The following DOCK10 variants were observed in gnomAD, a reference collection of about 807,000 sequenced individuals.
DOCK10 encodes dedicator of cytokinesis protein 10.
Under a neutral mutation model 280.1 loss-of-function variants are expected in DOCK10, and 145 were observed. The observed-to-expected ratio is 0.52, with a 90% CI of 0.45 to 0.59. The LOEUF (loss-of-function observed/expected upper bound fraction) is 0.59, where lower values mean the gene tolerates loss of function less well. DOCK10 is among the 20% of genes least tolerant of loss of function. The probability of loss-of-function intolerance (pLI) is 0.00; values close to 1 mark genes in which losing one functional copy is unlikely to be tolerated. For missense variants in DOCK10, 2,368 were observed against 2,651.7 expected (o/e 0.89, Z 2.35); for synonymous variants, 915 against 942.2 (o/e 0.97, Z 0.53).
intron 1 of DOCK10, among the ~76,000 whole-genome samples, chr2:225,024,465 T>C (rs550108475): frequency 1.3e-5 from 2 of 152,204 alleles, no homozygotes; most frequent in East Asian, 1.9e-4. Context: ...ATTTTAAGTA[T>C]GGCAAAATGT....
In DOCK10 at chr2:224,862,628, G is replaced by A. The variant is rs747004656; in HGVS notation, c.1685+36C>T. On this transcript the variant is annotated intron_variant, in intron 14 of 55. Transcript: ENST00000258390. ...GAAGCTTCCAATGCCACCATTAAAT[G>A]TATTTCTAGTCTGTTGGCTGCAACT... The A allele has an allele frequency of 4.5e-6, 7 of 1,543,582 alleles. No individual in the cohort carries two copies. The Admixed American group carries it at 1.2e-4, about 26-fold the overall frequency.
intron 4 of DOCK10, among the ~76,000 whole-genome samples, chr2:224,891,863 T>C (rs1287362530): frequency 6.6e-6 from 1 of 152,172 alleles, no homozygotes; most frequent in Non-Finnish European, 1.5e-5. Context: ...AATTCTGAGT[T>C]TGCTTGATCA....
In DOCK10 at chr2:224,921,092, T is replaced by TAA. The variant is rs781152272; in HGVS notation, c.244-4310_244-4309dup. ...CAACATGGGAAAACACCGTCTCTAT[T>TAA]AAAAAAAAAAAAAAAAAAAAATATA... On this transcript the variant is annotated intron_variant, in intron 2 of 55. Transcript: ENST00000258390. Among the ~76,000 whole-genome samples, 55 of 59,470 alleles carry TAA rather than the reference T, an allele frequency of 9.2e-4. 1 individual carries two copies. Among genetic ancestry groups the TAA allele is most frequent in the South Asian group, 3.3e-3 (6 of 1,818 alleles). The allele number at this position is 59,470 out of a possible 152,430, so 39.0% of individuals were successfully genotyped here.
At chr2:225,026,708 C>A (rs1216903974) in intron 1 of DOCK10, among the ~76,000 whole-genome samples, 1 of 151,966 alleles carries the variant, frequency 6.6e-6, no homozygotes, top group East Asian at 1.9e-4. Context: ...ACAGAGATAT[C>A]AATGGGCAGA....
chr2:224,809,857 A>C (rs1237021724), intron 31 of DOCK10, among the ~76,000 whole-genome samples: 1 of 152,162 alleles, frequency 6.6e-6, no homozygotes, highest in African/African-American at 2.4e-5. Flanking sequence ...ATCCAAAAGA[A>C]TTCAGATCAT....
intron 18 of DOCK10, among the ~76,000 whole-genome samples, chr2:224,852,084 G>T (rs560448158): frequency 2.1e-4 from 32 of 152,282 alleles, no homozygotes; most frequent in African/African-American, 7.2e-4. Flanking sequence ...CGAGAGGCAG[G>T]CTAATCTTTG....
intron 24 of DOCK10, among the ~76,000 whole-genome samples, chr2:224,839,358 C>T (rs1019958385): frequency 3.3e-5 from 5 of 151,560 alleles, no homozygotes; most frequent in African/African-American, 4.9e-5. Flanking sequence ...CCACCGGCCT[C>T]GGCCTCCCAA....
intron 1 of DOCK10, among the ~76,000 whole-genome samples, chr2:224,990,401 T>G (rs1439649679): frequency 6.6e-6 from 1 of 152,200 alleles, no homozygotes; most frequent in Non-Finnish European, 1.5e-5. Context: ...CAGCAAAAAT[T>G]TTAAGCCTCA....
chr2:224,962,052 G>A (rs1285767167), intron 1 of DOCK10, among the ~76,000 whole-genome samples: 2 of 152,292 alleles, frequency 1.3e-5, no homozygotes, highest in African/African-American at 2.4e-5. Flanking sequence ...TTGACAGCAT[G>A]GTGGCTGGCT....
At chr2:224,954,401 G>T (rs186165498) in intron 1 of DOCK10, among the ~76,000 whole-genome samples, 3 of 152,118 alleles carry the variant, frequency 2.0e-5, no homozygotes, top group Non-Finnish European at 2.9e-5. Context: ...TTGATTTTAG[G>T]GTTTATTATT....
intron 19 of DOCK10, among the ~76,000 whole-genome samples, chr2:224,847,696 C>T (rs1346193451): frequency 2.0e-5 from 3 of 152,176 alleles, no homozygotes; most frequent in Non-Finnish European, 2.9e-5. Context: ...CTGTTTTTCA[C>T]TTTCTGTCCT....
chr2:224,800,844 A>G (rs961362204), intron 40 of DOCK10, among the ~76,000 whole-genome samples: 3 of 152,178 alleles, frequency 2.0e-5, no homozygotes, highest in African/African-American at 7.2e-5. Flanking sequence ...GGCTACAGCT[A>G]GGTTTTATAT....
At chr2:224,804,312 T>C (rs180905222) in intron 38 of DOCK10, 99 bp from the exon 39 acceptor site, 1 of 662,284 alleles carries the variant, frequency 1.5e-6, no homozygotes, top group Non-Finnish European at 2.6e-6. Context: ...CAATGAAATA[T>C]TTCACATGCT....
intron 1 of DOCK10, among the ~76,000 whole-genome samples, chr2:224,972,011 A>C (rs1705114040): frequency 6.6e-6 from 1 of 152,200 alleles, no homozygotes; most frequent in Non-Finnish European, 1.5e-5. Context: ...TAGAAAATTC[A>C]AAATTACATA....
chr2:224,986,883 T>C (rs1705989204), intron 1 of DOCK10, among the ~76,000 whole-genome samples: 1 of 152,124 alleles, frequency 6.6e-6, no homozygotes, highest in African/African-American at 2.4e-5. Flanking sequence ...ATTCTAACAG[T>C]GAAGCCTCAA....
chr2:224,807,915 T>G lies in DOCK10; in HGVS notation c.3581A>C (p.Glu1194Ala), dbSNP rs1054799275. 5 of 1,611,488 alleles carry G rather than the reference T, an allele frequency of 3.1e-6. No homozygotes were observed. Among genetic ancestry groups the G allele is most frequent in the Non-Finnish European group, 3.4e-6 (4 of 1,178,388 alleles). The change falls in exon 32 of 56, where the codon GAG (glutamate) becomes GCG (alanine). Residue 1194 changes from glutamate to alanine, a missense_variant. Glu to Ala is a moderately radical substitution (Grantham distance 107, BLOSUM62 -1). This residue lies in a region of DOCK10 where 1,159 missense variants were observed against 1,400.8 expected (regional missense o/e 0.83). Transcript: ENST00000258390. ...GGAGAAAGGAAGATCACTTACTGGC[T>G]CTCTGTATCGATCATCAAATGAATG... is the stretch of plus-strand genomic sequence containing the variant. ...AKHSFDDRYR[E>A]PRKQAQIASL... is the part of the protein sequence containing the mutation.
At chr2:224,823,208 T>A (rs1046498189) in intron 28 of DOCK10, among the ~76,000 whole-genome samples, 2 of 151,990 alleles carry the variant, frequency 1.3e-5, no homozygotes, top group South Asian at 2.1e-4. Context: ...GGATGGTCTC[T>A]ATCTCTTGAC....
Position 224,919,374 on chromosome 2 carries a change from G to C in DOCK10, c.244-2590C>G, listed in dbSNP as rs556093270. On this transcript the variant is annotated intron_variant, in intron 2 of 55. Transcript: ENST00000258390. ...TGTGTGATGTGTGTCTGTATAGGTG[G>C]TGTGAATGTATGTGGTGTGTGTGGT... Among the ~76,000 whole-genome samples the C allele has an allele frequency of 1.5e-4, 22 of 150,872 alleles. No individual in the cohort carries two copies. The South Asian group carries it at 2.5e-3, about 17-fold the overall frequency.
intron 44 of DOCK10, 45 bp from the exon 45 acceptor site, chr2:224,795,139 T>TAGGTTA (rs1692476601): frequency 6.4e-7 from 1 of 1,553,638 alleles, no homozygotes; most frequent in African/African-American, 1.4e-5. Context: ...TTAGAATCTA[T>TAGGTTA]AGGTTAACTG....
Sources: gnomAD v4.1 joint callset for allele counts (sites outside exome capture counted in the v4.1 genomes callset) on GRCh38, gnomAD v4.1.1 for gene constraint, gnomAD v4.1.1 regional missense constraint, MANE v1.5 for transcripts, NCBI Gene and HGNC (gene_info 2026-07-23, HGNC 2026-07-21) for gene names.